The following GALNT3 variants were observed in gnomAD, a reference collection of about 807,000 sequenced individuals.
GALNT3 encodes the protein GalNAc transferase 3.
Under a neutral mutation model 69.8 loss-of-function variants are expected in GALNT3, and 51 were observed. That is an observed-to-expected ratio of 0.73 (90% CI 0.58 to 0.92). GALNT3 has a LOEUF of 0.92. Among genes scored for constraint, GALNT3 ranks in the 40% least tolerant of loss-of-function variants. The pLI is 0.00. For synonymous variants in GALNT3, 265 were observed against 248.5 expected (o/e 1.07, Z -0.63); for missense variants, 711 against 760.0 (o/e 0.94, Z 0.76).
chr2:165,749,133 G>A (rs1372370553), intron 10 of GALNT3, among the ~76,000 whole-genome samples: 5 of 152,048 alleles, frequency 3.3e-5, no homozygotes, highest in African/African-American at 9.7e-5. Context: ...AACAAGGTTT[G>A]AATCACATTT....
intron 2 of GALNT3, among the ~76,000 whole-genome samples, chr2:165,766,672 A>G (rs1688648420): frequency 1.7e-5 from 1 of 59,612 alleles, no homozygotes; most frequent in Non-Finnish European, 5.7e-5. Context: ...TGGAGATAAA[A>G]GCCCATCACC....
chr2:165,780,725 C>A (rs570867720), intron 1 of GALNT3, among the ~76,000 whole-genome samples: 106 of 152,074 alleles, frequency 7.0e-4, no homozygotes, highest in Middle Eastern at 3.4e-3. Flanking sequence ...AAGCCACAGG[C>A]ATGAGTTGAA....
intron 9 of GALNT3, among the ~76,000 whole-genome samples, chr2:165,753,909 C>T (rs957089640): frequency 4.6e-5 from 7 of 152,120 alleles, no homozygotes; most frequent in African/African-American, 1.4e-4. Flanking sequence ...GTTATTAACA[C>T]TTGATGTAAT....
chr2:165,786,136 G>C (rs762442830), intron 1 of GALNT3, among the ~76,000 whole-genome samples: 3 of 152,164 alleles, frequency 2.0e-5, no homozygotes, highest in Non-Finnish European at 4.4e-5. Context: ...GTATGAAAGA[G>C]CTAAATATTT....
At chr2:165,792,616 A>G (rs1412011207) in intron 1 of GALNT3, among the ~76,000 whole-genome samples, 1 of 152,236 alleles carries the variant, frequency 6.6e-6, no homozygotes, top group Admixed American at 6.5e-5. Context: ...GTGCAATTTA[A>G]AAAATATTTT....
At chr2:165,749,055 T>A in intron 10 of GALNT3, 152 bp from the exon 11 acceptor site, 1 of 727,168 alleles carries the variant, frequency 1.4e-6, no homozygotes, top group Non-Finnish European at 2.3e-6. Context: ...GCTTCTAGTG[T>A]AAATGCCACC....
At chr2:165,790,090 T>A (rs746090313) in intron 1 of GALNT3, among the ~76,000 whole-genome samples, 1 of 152,148 alleles carries the variant, frequency 6.6e-6, no homozygotes, top group Non-Finnish European at 1.5e-5. Flanking sequence ...ACATATATAA[T>A]CTCCAGTGAT....
At chr2:165,768,808 T>C (rs964578037) in intron 2 of GALNT3, among the ~76,000 whole-genome samples, 51 of 150,806 alleles carry the variant, frequency 3.4e-4, no homozygotes, top group Non-Finnish European at 5.0e-4. Context: ...TTTTTTTTTT[T>C]TTGGAGATGG....
intron 1 of GALNT3, among the ~76,000 whole-genome samples, chr2:165,780,103 C>T (rs1683070953): frequency 6.6e-6 from 1 of 152,178 alleles, no homozygotes; most frequent in Admixed American, 6.5e-5. Flanking sequence ...GTCAACTTTA[C>T]AAAGGGGAAG....
rs1433198398 is a variant in GALNT3, at chr2:165,764,979, C to T, written c.593G>A (p.Trp198Ter). ...SVIIVFHNEA[W>*]STLLRTVHSV... ...GTGGACAGTTCTAAGCAACGTGGACCACGCTTCATTATGAAAAACTATTAT... is the reference window on the plus strand; with the variant it reads ...GTGGACAGTTCTAAGCAACGTGGACTACGCTTCATTATGAAAAACTATTAT... The change falls in exon 3 of 11, where the codon TGG (tryptophan) becomes TAG (stop). Residue 198 changes from tryptophan to a stop codon, truncating the protein, a stop_gained. Transcript: ENST00000392701. LOFTEE classifies it high-confidence loss of function. 6.2e-7 allele frequency: 1 copy of T among 1,614,040 alleles called. No homozygotes were observed.
At chr2:165,754,452 GAGTAAAAACC>G (rs1212294163) in intron 9 of GALNT3, among the ~76,000 whole-genome samples, 165 bp downstream of exon 9, 3 of 113,930 alleles carry the variant, frequency 2.6e-5, no homozygotes, top group Non-Finnish European at 6.0e-5. Context: ...TTCAGAGCCA[GAGTAAAAACC>G]AAAAAAAAAT....
At chr2:165,754,387 G>A (rs1688406859) in intron 9 of GALNT3, among the ~76,000 whole-genome samples, 2 of 122,910 alleles carry the variant, frequency 1.6e-5, no homozygotes, top group South Asian at 5.5e-4. Flanking sequence ...ACTCAGCTCG[G>A]CCTCCTTTTT....
chr2:165,754,769 A>T (rs750598895), intron 8 of GALNT3, 41 bp from the exon 9 acceptor site: 5 of 1,449,272 alleles, frequency 3.5e-6, no homozygotes, highest in Non-Finnish European at 4.8e-6. Flanking sequence ...TTTTTAATCC[A>T]TGTGATTTAT....
intron 2 of GALNT3, among the ~76,000 whole-genome samples, chr2:165,768,414 T>G (rs1688686798): frequency 6.6e-6 from 1 of 152,214 alleles, no homozygotes; most frequent in Non-Finnish European, 1.5e-5. Context: ...AATCAAAACC[T>G]CTCTTCAAGT....
chr2:165,767,162 A>G (rs1688658177), intron 2 of GALNT3, among the ~76,000 whole-genome samples: 1 of 152,154 alleles, frequency 6.6e-6, no homozygotes, highest in South Asian at 2.1e-4. Context: ...ACAGAAATAA[A>G]TGACTAAATA....
intron 1 of GALNT3, among the ~76,000 whole-genome samples, chr2:165,785,397 A>G (rs1416061201): frequency 2.6e-5 from 4 of 152,236 alleles, no homozygotes; most frequent in Non-Finnish European, 5.9e-5. Flanking sequence ...AAAAAATAGC[A>G]TCGGTTACCT....
intron 1 of GALNT3, among the ~76,000 whole-genome samples, chr2:165,780,627 A>AAATAT (rs1182099659): frequency 6.6e-6 from 1 of 151,412 alleles, no homozygotes; most frequent in Non-Finnish European, 1.5e-5. Context: ...TCATCTGCAA[A>AAATAT]TCAGGTTTGA....
At chr2:165,793,733 T>G (rs947189593) in intron 1 of GALNT3, 13 of 152,256 alleles carry the variant, frequency 8.5e-5, no homozygotes, top group African/African-American at 2.9e-4. Flanking sequence ...GTCTTTGGTC[T>G]CCGTCCAGCT....
intron 3 of GALNT3, 124 bp from the exon 4 acceptor site, chr2:165,762,178 C>CAT: frequency 1.3e-6 from 1 of 761,258 alleles, no homozygotes; most frequent in East Asian, 2.7e-5. Flanking sequence ...TTGCATGTGT[C>CAT]CTTCCAGCAA....
Sources: allele counts gnomAD v4.1 joint callset (sites outside exome capture counted in the v4.1 genomes callset), GRCh38; gene constraint gnomAD v4.1.1; transcripts MANE v1.5; gene names NCBI Gene and HGNC (gene_info 2026-07-23, HGNC 2026-07-21).